The following CDC25C variants were observed in gnomAD, a reference collection of about 807,000 sequenced individuals.
CDC25C encodes cell division cycle 25C.
CDC25C carries 48 observed loss-of-function variants against 52.5 expected under a neutral mutation model. That is an observed-to-expected ratio of 0.91 (90% CI 0.72 to 1.16). The LOEUF is 1.16. Ranked by LOEUF, CDC25C falls within the 50% of genes most tolerant of loss-of-function variation. CDC25C has a pLI of 0.00. For missense variants in CDC25C, 510 were observed against 566.1 expected, an observed-to-expected ratio of 0.90 and a Z score of 1.01; for synonymous variants, 187 against 206.5, an observed-to-expected ratio of 0.91 and a Z score of 0.81.
At chr5:138,286,206 A>AG (rs916465735) in intron 12 of CDC25C, 73 bp from the exon 13 acceptor site, 10 of 1,143,964 alleles carry the variant, frequency 8.7e-6, no homozygotes, top group African/African-American at 3.1e-5. Flanking sequence ...TTCACTGGGG[A>AG]GGGGGGAGAG....
chr5:138,337,894 GAGTGGGAGGCTGC>G (rs1012341014), intron 1 of CDC25C: 2 of 1,192,092 alleles, frequency 1.7e-6, no homozygotes, highest in Non-Finnish European at 2.2e-6. Flanking sequence ...GGCCCGAACC[GAGTGGGAGGCTGC>G]AGTTGGGCCG....
At chr5:138,305,712 T>C (rs1453281917) in intron 7 of CDC25C, among the ~76,000 whole-genome samples, 1 of 152,226 alleles carries the variant, frequency 6.6e-6, no homozygotes, top group Non-Finnish European at 1.5e-5. Context: ...AAAATCTAAA[T>C]TATTTTGTCT....
upstream of CDC25C, chr5:138,333,781 A>C (rs1046212765): frequency 6.6e-6 from 1 of 152,196 alleles, no homozygotes; most frequent in Non-Finnish European, 1.5e-5. Flanking sequence ...GTGTCAGCCA[A>C]GTGGCTTTAG....
chr5:138,313,598 C>T (rs1293958675), intron 7 of CDC25C, among the ~76,000 whole-genome samples: 1 of 152,098 alleles, frequency 6.6e-6, no homozygotes, highest in East Asian at 1.9e-4. Flanking sequence ...TCCTAGATCT[C>T]TCCTTTCTGA....
Position 138,291,974 on chromosome 5 carries a change from C to G in CDC25C, c.758G>C (p.Arg253Thr). ...TTCATCTTAAAAAGTTCTTACCTTCCTGAGCTTTCCTTGGCCAGAAAAATA... is the reference window on the plus strand; with the variant it reads ...TTCATCTTAAAAAGTTCTTACCTTCGTGAGCTTTCCTTGGCCAGAAAAATA... ...KKYFSGQGKL[R>T]KGLCLKKTVS... The change falls in exon 8 of 14, where the codon AGG becomes ACG. Residue 253 changes from arginine (R) to threonine (T), a missense_variant. Transcript: ENST00000323760. 1 of 1,605,686 alleles carries G rather than the reference C, an allele frequency of 6.2e-7. No individual in the cohort carries two copies. Among genetic ancestry groups the G allele is most frequent in the Non-Finnish European group, 8.5e-7 (1 of 1,175,778 alleles).
chr5:138,292,925 A>G (rs1756866970), intron 7 of CDC25C, among the ~76,000 whole-genome samples: 1 of 152,214 alleles, frequency 6.6e-6, no homozygotes, highest in Non-Finnish European at 1.5e-5. Flanking sequence ...GAACAGGCAA[A>G]AGCTCCTTCT....
intron 7 of CDC25C, among the ~76,000 whole-genome samples, chr5:138,305,430 C>G (rs1757934781): frequency 6.6e-6 from 1 of 152,108 alleles, no homozygotes; most frequent in African/African-American, 2.4e-5. Context: ...GAAATGGGGT[C>G]TTGCTCTGTC....
chr5:138,313,605 C>T (rs1758620433), intron 7 of CDC25C, among the ~76,000 whole-genome samples: 1 of 152,082 alleles, frequency 6.6e-6, no homozygotes, highest in Non-Finnish European at 1.5e-5. Flanking sequence ...TCTCTCCTTT[C>T]TGATTCCTGG....
At chr5:138,328,576 T>G in intron 3 of CDC25C, 47 bp from the exon 4 acceptor site, 1 of 1,487,380 alleles carries the variant, frequency 6.7e-7, no homozygotes, top group South Asian at 1.1e-5. Context: ...TTCTTGTCCA[T>G]GCATCCTGTT....
At position 138,321,750 on chromosome 5, in the gene CDC25C, C is replaced by CAAA. The variant is rs531353746; in HGVS notation, c.460-2379_460-2377dup. Among the ~76,000 whole-genome samples the CAAA allele has an allele frequency of 2.9e-3, 138 of 47,198 alleles. 11 individuals carry two copies. The highest frequency in any genetic ancestry group is 0.01 in the African/African-American group (78 of 7,656). The allele number at this position is 47,198 out of a possible 152,430, so 31.0% of individuals were successfully genotyped here. The stretch of plus-strand genomic sequence containing the variant: ...CTGGTGACAGAGCAAGACTCTGTCT[C>CAAA]AAAAAAAAAAAAAAAAAAAAAAAAA... On this transcript the variant is annotated intron_variant, in intron 6 of 13. Coordinates refer to ENST00000323760, the MANE Select transcript of CDC25C (RefSeq NM_001790.5).
At chr5:138,334,185 C>T (rs974700163), upstream of CDC25C, among the ~76,000 whole-genome samples, 3 of 152,080 alleles carry the variant, frequency 2.0e-5, no homozygotes, top group Admixed American at 6.6e-5. Context: ...CCACCCACCT[C>T]GGCCTCCCAA....
intron 7 of CDC25C, among the ~76,000 whole-genome samples, chr5:138,317,258 A>G (rs1037003600): frequency 6.6e-6 from 1 of 152,172 alleles, no homozygotes; most frequent in Non-Finnish European, 1.5e-5. Context: ...ATTAAAAAAA[A>G]TAAAAGCATG....
At chr5:138,289,428 T>C in intron 10 of CDC25C, 73 bp downstream of exon 10, 3 of 1,043,556 alleles carry the variant, frequency 2.9e-6, no homozygotes, top group Non-Finnish European at 4.5e-6. Context: ...CAAATGGAAA[T>C]GGGCATTTTA....
chr5:138,285,960 G>T, intron 13 of CDC25C, 62 bp downstream of exon 13: 1 of 1,527,908 alleles, frequency 6.5e-7, no homozygotes, highest in Non-Finnish European at 9.0e-7. Flanking sequence ...TTCTCTGAAG[G>T]CTTTGCAGGC....
chr5:138,332,135 G>C (rs1409148649), upstream of CDC25C: 3 of 153,588 alleles, frequency 2.0e-5, no homozygotes, highest in African/African-American at 7.2e-5. Context: ...TCAGCCCCAC[G>C]AACCCCGGGA....
intron 4 of CDC25C, among the ~76,000 whole-genome samples, chr5:138,326,702 C>G (rs1006619430): frequency 3.3e-5 from 5 of 152,078 alleles, no homozygotes; most frequent in African/African-American, 1.2e-4. Context: ...GCCTGTAATC[C>G]CAGCACTTTG....
intron 9 of CDC25C, 135 bp downstream of exon 9, chr5:138,290,504 A>G (rs901216614): frequency 1.6e-6 from 1 of 626,364 alleles, no homozygotes; most frequent in African/African-American, 1.8e-5. Flanking sequence ...GCCTGGATCT[A>G]CCACTAGAGC....
At chr5:138,301,735 G>A (rs1478907420) in intron 7 of CDC25C, among the ~76,000 whole-genome samples, 3 of 125,332 alleles carry the variant, frequency 2.4e-5, no homozygotes, top group Non-Finnish European at 3.2e-5. Flanking sequence ...ATGGAGTCTC[G>A]CTCTGTCACC....
chr5:138,296,038 A>C (rs1757147733), intron 7 of CDC25C, among the ~76,000 whole-genome samples: 1 of 152,198 alleles, frequency 6.6e-6, no homozygotes, highest in African/African-American at 2.4e-5. Flanking sequence ...TCTTGAGTAC[A>C]CATAAGCCAG....
Sources: gnomAD v4.1 joint callset for allele counts (sites outside exome capture counted in the v4.1 genomes callset) on GRCh38, gnomAD v4.1.1 for gene constraint, MANE v1.5 for transcripts, NCBI Gene and HGNC (gene_info 2026-07-23, HGNC 2026-07-21) for gene names.